Variants in STK3 observed in about 807,000 individuals in gnomAD.
The protein encoded by STK3 is serine/threonine kinase 3, also known as serine/threonine-protein kinase 3.
STK3 carries 41 observed loss-of-function variants against 58.0 expected under a neutral mutation model. The ratio of observed to expected loss-of-function variants is 0.71; its 90% CI spans 0.55 to 0.92. The LOEUF (loss-of-function observed/expected upper bound fraction) is 0.92. Among genes scored for constraint, STK3 ranks in the 40% least tolerant of loss-of-function variants. STK3 has a pLI of 0.00. For missense variants in STK3, 479 were observed against 602.7 expected (o/e 0.79, Z 2.15); for synonymous variants, 170 against 191.0 (o/e 0.89, Z 0.91).
chr8:98,446,232 G>C (rs1296076536), intron 1 of STK3, among the ~76,000 whole-genome samples: 1 of 152,160 alleles, frequency 6.6e-6, no homozygotes, highest in Non-Finnish European at 1.5e-5. Context: ...GCAGGGCTTT[G>C]TTTACATCTT....
rs571454225 is a variant in STK3, at chr8:98,455,639, C to G, written c.*203G>C. On this transcript the variant is annotated 3_prime_UTR_variant, in exon 11 of 11. Transcript: ENST00000419617. ...AACAAGAGAATACACTTCTTTTGTT[C>G]TCCTCATCTTAGAGTGAATGCACAG... 4.5e-4 allele frequency: 265 copies of G among 589,758 alleles called. No homozygotes were observed. Among genetic ancestry groups the G allele is most frequent in the Admixed American group, 1.0e-3 (33 of 31,822 alleles). The allele number at this position is 589,758 out of a possible 1,614,324, so 36.5% of individuals were successfully genotyped here. A position where few individuals can be genotyped will look rare whatever the true frequency, so the allele number is the denominator to read the frequency against.
intron 3 of STK3, among the ~76,000 whole-genome samples, chr8:98,876,044 AC>A (rs1462210101): frequency 6.6e-6 from 1 of 152,182 alleles, no homozygotes; most frequent in East Asian, 1.9e-4. Context: ...GGAAACTTCC[AC>A]TGTGGCACTA....
intron 4 of STK3, among the ~76,000 whole-genome samples, chr8:98,720,629 T>C (rs1241813357): frequency 6.6e-6 from 1 of 151,450 alleles, no homozygotes; most frequent in African/African-American, 2.4e-5. Flanking sequence ...CAGGCACCAG[T>C]AGTCCCGGCT....
chr8:98,434,731 G>T (rs1183913078), intron 2 of STK3, among the ~76,000 whole-genome samples: 1 of 152,158 alleles, frequency 6.6e-6, no homozygotes, highest in Non-Finnish European at 1.5e-5. Flanking sequence ...GGGAGAAGAA[G>T]GCTGGCATGC....
chr8:98,743,976 G>A lies in STK3; in HGVS notation c.351+5300C>T, dbSNP rs1490901442. The stretch of plus-strand genomic sequence containing the variant: ...ATTTATGCAGCCAAAAAACACATGA[G>A]AAAATGCTCACCATCACTGGCCATC... On this transcript the variant is annotated intron_variant, in intron 4 of 10. Coordinates refer to ENST00000419617, the MANE Select transcript of STK3 (RefSeq NM_006281.4). 2.9e-3 allele frequency among the ~76,000 whole-genome samples: 446 copies of A among 151,810 alleles called. 6 individuals are homozygous for A. Among genetic ancestry groups the A allele is most frequent in the African/African-American group, 0.01 (415 of 41,222 alleles).
intron 1 of STK3, among the ~76,000 whole-genome samples, chr8:98,445,772 C>T (rs1818916822): frequency 6.6e-6 from 1 of 152,288 alleles, no homozygotes; most frequent in South Asian, 2.1e-4. Flanking sequence ...CTCTACCTAC[C>T]TCTCTCTGCC....
At chr8:98,512,127 C>T (rs1161763652) in intron 10 of STK3, among the ~76,000 whole-genome samples, 1 of 151,972 alleles carries the variant, frequency 6.6e-6, no homozygotes, top group Non-Finnish European at 1.5e-5. Context: ...CCTCCTCCCC[C>T]CACCACACAA....
chr8:98,581,167 C>T (rs1483977404), intron 7 of STK3, among the ~76,000 whole-genome samples: 4 of 152,192 alleles, frequency 2.6e-5, no homozygotes, highest in African/African-American at 7.2e-5. Flanking sequence ...CTGTGTTCCA[C>T]TTCCTGGCCT....
intron 1 of STK3, among the ~76,000 whole-genome samples, chr8:98,786,971 C>A (rs948780166): frequency 6.6e-6 from 1 of 151,790 alleles, no homozygotes; most frequent in Non-Finnish European, 1.5e-5. Context: ...GAGATCGAGA[C>A]CTTCCTGGCC....
At chr8:98,452,375 T>C (rs1300858738), downstream of STK3, among the ~76,000 whole-genome samples, 1 of 152,248 alleles carries the variant, frequency 6.6e-6, no homozygotes, top group East Asian at 1.9e-4. Context: ...GAATACACTT[T>C]CTTCTCCAAT....
chr8:98,713,584 T>A (rs1587393080), intron 4 of STK3, among the ~76,000 whole-genome samples: 1 of 152,014 alleles, frequency 6.6e-6, no homozygotes, highest in Non-Finnish European at 1.5e-5. Flanking sequence ...CAGGAAGAAG[T>A]TGAATCTCTG....
At chr8:98,809,445 G>A (rs1834085859) in intron 1 of STK3, among the ~76,000 whole-genome samples, 1 of 152,176 alleles carries the variant, frequency 6.6e-6, no homozygotes, top group Non-Finnish European at 1.5e-5. Context: ...TCTTATAAGT[G>A]TAGAAAAAGT....
chr8:98,680,513 G>A (rs1823553421), intron 6 of STK3, among the ~76,000 whole-genome samples: 2 of 152,246 alleles, frequency 1.3e-5, no homozygotes, highest in Admixed American at 6.5e-5. Flanking sequence ...CTACCACACC[G>A]CAGCAGCATA....
intron 1 of STK3, among the ~76,000 whole-genome samples, chr8:98,915,470 A>ATATATATAT (rs1839314010): frequency 3.7e-5 from 5 of 136,132 alleles, no homozygotes; most frequent in Admixed American, 1.5e-4. Context: ...ATATATATAT[A>ATATATATAT]GTTCTGTCCT....
chr8:98,801,454 G>A (rs1833541616), intron 1 of STK3, among the ~76,000 whole-genome samples: 1 of 152,128 alleles, frequency 6.6e-6, no homozygotes, highest in African/African-American at 2.4e-5. Flanking sequence ...CTTTGGGTCT[G>A]CACTGCCTTT....
chr8:98,440,671 G>A (rs1254494951), intron 1 of STK3, among the ~76,000 whole-genome samples: 3 of 152,012 alleles, frequency 2.0e-5, no homozygotes, highest in South Asian at 2.1e-4. Flanking sequence ...GTGAGAATTC[G>A]GTTAAGTAAC....
intron 1 of STK3, among the ~76,000 whole-genome samples, chr8:98,804,081 A>C (rs1222273801): frequency 1.3e-5 from 2 of 151,882 alleles, no homozygotes; most frequent in African/African-American, 4.8e-5. Flanking sequence ...GGCTCTCTGC[A>C]ACCTCCGCCT....
intron 1 of STK3, among the ~76,000 whole-genome samples, chr8:98,935,029 C>T (rs904876709): frequency 9.2e-5 from 14 of 152,232 alleles, no homozygotes; most frequent in Non-Finnish European, 1.8e-4. Context: ...TATCCATTCT[C>T]CTTTTCTTTA....
chr8:98,903,552 T>TCTA (rs1838758420), intron 1 of STK3, among the ~76,000 whole-genome samples: 5 of 38,478 alleles, frequency 1.3e-4, no homozygotes, highest in African/African-American at 6.2e-4. Context: ...TTCTTCTTCT[T>TCTA]CTTCCTTTTT....
Sources: gnomAD v4.1 joint callset for allele counts (sites outside exome capture counted in the v4.1 genomes callset) on GRCh38, gnomAD v4.1.1 for gene constraint, MANE v1.5 for transcripts, NCBI Gene and HGNC (gene_info 2026-07-23, HGNC 2026-07-21) for gene names.